FAT3: variants seen among roughly 807,000 people sequenced by gnomAD.
FAT3 encodes the protein FAT atypical cadherin 3, also known as protocadherin Fat 3.
In FAT3, 95 loss-of-function variants were observed where a neutral mutation model predicts 310.2. The ratio of observed to expected loss-of-function variants is 0.31; its 90% CI spans 0.26 to 0.36. The LOEUF (loss-of-function observed/expected upper bound fraction) is 0.36, where lower values mean the gene tolerates loss of function less well. FAT3 is among the 10% of genes least tolerant of loss of function. The pLI is 1.00. For synonymous variants in FAT3, 2,314 were observed against 2,192.9 expected (o/e 1.06, Z -1.54); for missense variants, 5,408 against 5,715.6 (o/e 0.95, Z 1.74).
chr11:92,676,140 T>G (rs1943282354), intron 3 of FAT3, among the ~76,000 whole-genome samples: 1 of 152,122 alleles, frequency 6.6e-6, no homozygotes, highest in Admixed American at 6.5e-5. Context: ...TTACAATAAT[T>G]GTTGTTACGT....
At chr11:92,452,354 G>A (rs1951376875) in intron 2 of FAT3, among the ~76,000 whole-genome samples, 4 of 152,120 alleles carry the variant, frequency 2.6e-5, no homozygotes, top group African/African-American at 4.8e-5. Context: ...TTGCAAAAAC[G>A]TGGATTTTAC....
intron 3 of FAT3, among the ~76,000 whole-genome samples, chr11:92,607,901 C>G (rs980006333): frequency 3.3e-5 from 5 of 152,148 alleles, no homozygotes; most frequent in African/African-American, 1.2e-4. Context: ...TTTCCAATTT[C>G]CTTTGTCCCG....
intron 1 of FAT3, among the ~76,000 whole-genome samples, chr11:92,281,956 A>C (rs987592091): frequency 6.6e-6 from 1 of 151,878 alleles, no homozygotes; most frequent in Non-Finnish European, 1.5e-5. Flanking sequence ...CCCAGACTAG[A>C]GTGCAGTGGT....
intron 2 of FAT3, among the ~76,000 whole-genome samples, chr11:92,475,417 C>T (rs957631525): frequency 1.3e-5 from 2 of 151,856 alleles, no homozygotes; most frequent in Admixed American, 6.6e-5. Context: ...TAGGATGCTA[C>T]CCTGGCTTTT....
chr11:92,859,460 C>T (rs1415785320), intron 21 of FAT3, 138 bp downstream of exon 21: 19 of 867,942 alleles, frequency 2.2e-5, no homozygotes, highest in Middle Eastern at 3.2e-4. Context: ...AGGGGAGCAG[C>T]GGCAGAACTG....
At chr11:92,831,185 T>A (rs1948238701) in intron 13 of FAT3, among the ~76,000 whole-genome samples, 1 of 152,166 alleles carries the variant, frequency 6.6e-6, no homozygotes, top group East Asian at 1.9e-4. Flanking sequence ...CAAGAAATGT[T>A]GGACTTGCCC....
chr11:92,380,219 C>T (rs538591015), intron 2 of FAT3, among the ~76,000 whole-genome samples: 17 of 152,244 alleles, frequency 1.1e-4, no homozygotes, highest in Admixed American at 9.8e-4. Context: ...GTGTCTCCCA[C>T]CTTCAAGATT....
intron 20 of FAT3, among the ~76,000 whole-genome samples, chr11:92,857,563 C>T (rs950684374): frequency 2.6e-5 from 4 of 152,192 alleles, no homozygotes; most frequent in Admixed American, 2.0e-4. Context: ...AGACTATGGG[C>T]TTCTTACATA....
At position 92,355,277 on chromosome 11, in the gene FAT3, C is replaced by G. The variant is rs755782982; in HGVS notation, c.3165C>G (p.Asn1055Lys). ...CTGTTGTTGGATCTGTAAAGGAAAACTCACGCATTGGAACAAGCGTGCTGC... is the reference window on the plus strand; with the variant it reads ...CTGTTGTTGGATCTGTAAAGGAAAAGTCACGCATTGGAACAAGCGTGCTGC... Reference protein sequence around the residue: ...DFAVVGSVKENSRIGTSVLQV... With the variant: ...DFAVVGSVKEKSRIGTSVLQV... The change falls in exon 2 of 28, where the codon AAC (asparagine) becomes AAG (lysine). Residue 1055 changes from asparagine to lysine, a missense_variant. By Grantham distance (94) the Asn-to-Lys change is moderately conservative. Transcript: ENST00000525166. 6.2e-7 allele frequency: 1 copy of G among 1,613,852 alleles called. No individual in the cohort carries two copies. The highest frequency in any genetic ancestry group is 2.2e-5 in the East Asian group (1 of 44,870).
Position 92,751,623 on chromosome 11 carries a change from A to T in FAT3, c.3670-10233A>T, listed in dbSNP as rs539543232. On this transcript the variant is annotated intron_variant, in intron 4 of 27. Transcript: ENST00000525166. ...CAGTGGCAGTTTTTAAGCATTGAGGACAGAAAGGTGCCAAAAGACTGGAGC... is the reference window on the plus strand; with the variant it reads ...CAGTGGCAGTTTTTAAGCATTGAGGTCAGAAAGGTGCCAAAAGACTGGAGC... Among the ~76,000 whole-genome samples the T allele has an allele frequency of 8.5e-5, 13 of 152,276 alleles. 1 individual carries two copies. In the South Asian group the frequency reaches 2.5e-3, roughly 29 times the overall value.
intron 2 of FAT3, among the ~76,000 whole-genome samples, chr11:92,492,289 A>C (rs879657751): frequency 6.6e-6 from 1 of 151,506 alleles, no homozygotes; most frequent in Non-Finnish European, 1.5e-5. Flanking sequence ...CCATCCATCC[A>C]TTCATCCATC....
At chr11:92,746,282 G>A (rs1350485112) in intron 4 of FAT3, among the ~76,000 whole-genome samples, 1 of 152,164 alleles carries the variant, frequency 6.6e-6, no homozygotes, top group African/African-American at 2.4e-5. Flanking sequence ...AATCATGGTG[G>A]AAGGCAAATG....
intron 2 of FAT3, among the ~76,000 whole-genome samples, chr11:92,502,841 G>A (rs532064939): frequency 2.6e-5 from 4 of 152,126 alleles, no homozygotes; most frequent in African/African-American, 9.6e-5. Context: ...TTCTCAAGAT[G>A]TGTGGAATGA....
At chr11:92,725,152 T>G (rs1243830775) in intron 4 of FAT3, among the ~76,000 whole-genome samples, 1 of 152,178 alleles carries the variant, frequency 6.6e-6, no homozygotes, top group East Asian at 1.9e-4. Context: ...GAGCAGGTAG[T>G]GAGAAATCAC....
At chr11:92,333,092 A>G (rs2134545294) in intron 1 of FAT3, among the ~76,000 whole-genome samples, 1 of 152,304 alleles carries the variant, frequency 6.6e-6, no homozygotes, top group East Asian at 1.9e-4. Flanking sequence ...GAACCCAAGC[A>G]CCATATTTTT....
At position 92,354,481 on chromosome 11, in the gene FAT3, A is replaced by T. The variant is rs780485190; in HGVS notation, c.2369A>T (p.Asp790Val). Residue 790 changes from aspartate to valine, a missense_variant, in exon 2 of 28, where the codon GAT becomes GTT. By Grantham distance (152) the Asp-to-Val change is radical. Transcript: ENST00000525166. ...CAGCTTAAAGTCCTTATGCCCATGGATCGAGAACACACAGACCTCTATCTC... is the reference window on the plus strand; with the variant it reads ...CAGCTTAAAGTCCTTATGCCCATGGTTCGAGAACACACAGACCTCTATCTC... ...TGQLKVLMPM[D>V]REHTDLYLLN... is the part of the protein sequence containing the mutation. 1.2e-6 allele frequency: 2 copies of T among 1,613,882 alleles called. No individual in the cohort carries two copies. The highest frequency in any genetic ancestry group is 2.2e-5 in the South Asian group (2 of 91,078).
At chr11:92,623,297 G>A (rs1433815651) in intron 3 of FAT3, among the ~76,000 whole-genome samples, 1 of 152,108 alleles carries the variant, frequency 6.6e-6, no homozygotes, top group Admixed American at 6.5e-5. Context: ...ACTCATTTTA[G>A]CATTTTCAGT....
intron 27 of FAT3, among the ~76,000 whole-genome samples, chr11:92,890,168 C>T: frequency 6.6e-6 from 1 of 152,334 alleles, no homozygotes; most frequent in East Asian, 1.9e-4. Flanking sequence ...CAGTCTGGCT[C>T]TGCAATAGCA....
At chr11:92,688,723 C>T (rs1943707993) in intron 3 of FAT3, among the ~76,000 whole-genome samples, 1 of 152,160 alleles carries the variant, frequency 6.6e-6, no homozygotes, top group Non-Finnish European at 1.5e-5. Flanking sequence ...TACAAGTCTG[C>T]ATTTCTAACC....
Sources: allele counts gnomAD v4.1 joint callset (sites outside exome capture counted in the v4.1 genomes callset), GRCh38; gene constraint gnomAD v4.1.1; transcripts MANE v1.5; gene names NCBI Gene and HGNC (gene_info 2026-07-23, HGNC 2026-07-21).